SRPK2: variants seen among roughly 807,000 people sequenced by gnomAD.
The protein encoded by SRPK2 is SRSF protein kinase 2.
SRPK2 carries 21 observed loss-of-function variants against 90.8 expected under a neutral mutation model. The ratio of observed to expected loss-of-function variants is 0.23; its 90% confidence interval spans 0.16 to 0.33. SRPK2 has a LOEUF of 0.33. Among genes scored for constraint, SRPK2 ranks in the 10% least tolerant of loss-of-function variants. The probability of loss-of-function intolerance (pLI) is 1.00; values close to 1 mark genes in which losing one functional copy is unlikely to be tolerated. For missense variants in SRPK2, 620 were observed against 869.0 expected (o/e 0.71, Z 3.60); for synonymous variants, 288 against 311.1 (o/e 0.93, Z 0.78).
At chr7:105,244,886 G>A in intron 2 of SRPK2, 1 of 1,378,680 alleles carries the variant, frequency 7.3e-7, no homozygotes, top group Non-Finnish European at 1.0e-6. Flanking sequence ...AAAGGGTGTG[G>A]GCGCACATCC....
chr7:105,367,057 C>A (rs978362021), intron 2 of SRPK2, among the ~76,000 whole-genome samples: 1 of 144,910 alleles, frequency 6.9e-6, no homozygotes, highest in Non-Finnish European at 1.5e-5. Flanking sequence ...ATGAGATCAC[C>A]TTTTTTTTTG....
intron 2 of SRPK2, among the ~76,000 whole-genome samples, chr7:105,382,962 C>G (rs981298756): frequency 6.6e-6 from 1 of 150,662 alleles, no homozygotes; most frequent in African/African-American, 2.4e-5. Flanking sequence ...GTTAAGATAT[C>G]AACGTCAGGG....
At chr7:105,191,254 G>A (rs1794240225) in intron 3 of SRPK2, among the ~76,000 whole-genome samples, 1 of 152,054 alleles carries the variant, frequency 6.6e-6, no homozygotes, top group Admixed American at 6.6e-5. Context: ...AGACACATAG[G>A]GAGACCCCGT....
intron 2 of SRPK2, among the ~76,000 whole-genome samples, chr7:105,279,686 C>T (rs562484465): frequency 6.6e-6 from 1 of 152,262 alleles, no homozygotes; most frequent in Non-Finnish European, 1.5e-5. Context: ...TTTTATTAGC[C>T]TCACAATTAC....
Position 105,275,564 on chromosome 7 carries a change from C to A in SRPK2, c.72-71779G>T, listed in dbSNP as rs563494274. Among the ~76,000 whole-genome samples the A allele has an allele frequency of 3.2e-4, 49 of 152,296 alleles. 1 individual carries two copies. The highest frequency in any genetic ancestry group is 2.9e-5 in the Non-Finnish European group (2 of 68,030). ...CAGTTTTTAACTCTTCAGTTAATGG[C>A]CTAGGAGCTCTAATGCTTCACCTGT... On this transcript the variant is annotated intron_variant, in intron 2 of 15. Transcript: ENST00000393651.
At chr7:105,197,145 T>G (rs1025719059) in intron 3 of SRPK2, among the ~76,000 whole-genome samples, 11 of 151,930 alleles carry the variant, frequency 7.2e-5, no homozygotes, top group Non-Finnish European at 1.6e-4. Context: ...TGACAGCAAA[T>G]AGCCACCAAC....
At chr7:105,149,143 G>A (rs1482506532) in intron 7 of SRPK2, among the ~76,000 whole-genome samples, 2 of 152,184 alleles carry the variant, frequency 1.3e-5, no homozygotes, top group Non-Finnish European at 2.9e-5. Flanking sequence ...AGTTGAGATA[G>A]AGGAAGGCCA....
chr7:105,389,349 C>T (rs1259359101), upstream of SRPK2: 1 of 1,275,716 alleles, frequency 7.8e-7, no homozygotes, highest in African/African-American at 1.6e-5. Context: ...CCCTTTGCTC[C>T]TCTACATCCT....
chr7:105,327,082 A>G (rs1386101048), intron 2 of SRPK2, among the ~76,000 whole-genome samples: 1 of 151,716 alleles, frequency 6.6e-6, no homozygotes, highest in Non-Finnish European at 1.5e-5. Flanking sequence ...AAAAAAAAAA[A>G]AAAATTCAAG....
At chr7:105,250,492 G>A (rs1802338777) in intron 2 of SRPK2, among the ~76,000 whole-genome samples, 1 of 152,048 alleles carries the variant, frequency 6.6e-6, no homozygotes, top group African/African-American at 2.4e-5. Flanking sequence ...ATCAGTCACT[G>A]TAATTTCACA....
chr7:105,317,109 G>C (rs936616943), intron 2 of SRPK2, among the ~76,000 whole-genome samples: 1 of 152,152 alleles, frequency 6.6e-6, no homozygotes, highest in Non-Finnish European at 1.5e-5. Context: ...CAAACCTTCA[G>C]AAGTCTCCAA....
intron 7 of SRPK2, among the ~76,000 whole-genome samples, chr7:105,154,678 A>G (rs1806230348): frequency 6.6e-6 from 1 of 151,972 alleles, no homozygotes; most frequent in Non-Finnish European, 1.5e-5. Context: ...TCTAATGGCT[A>G]TACTTTTTTT....
intron 2 of SRPK2, among the ~76,000 whole-genome samples, chr7:105,239,652 T>G (rs988832143): frequency 3.9e-5 from 6 of 152,306 alleles, no homozygotes; most frequent in Non-Finnish European, 8.8e-5. Context: ...GAGCCATAAT[T>G]AACAAAATCT....
At chr7:105,202,967 C>A (rs1480889059) in intron 3 of SRPK2, among the ~76,000 whole-genome samples, 2 of 152,228 alleles carry the variant, frequency 1.3e-5, no homozygotes, top group East Asian at 1.9e-4. Context: ...TCTCTATGTT[C>A]TTTTATTATT....
chr7:105,148,950 C>A (rs1019039183), intron 7 of SRPK2, among the ~76,000 whole-genome samples: 7 of 152,146 alleles, frequency 4.6e-5, no homozygotes, highest in Middle Eastern at 3.2e-3. Context: ...ACCAGGGGCA[C>A]AATGCACTGT....
intron 3 of SRPK2, among the ~76,000 whole-genome samples, chr7:105,201,834 T>C (rs1444001560): frequency 6.6e-6 from 1 of 151,890 alleles, no homozygotes. Flanking sequence ...CAGTGAGCTG[T>C]GATCACGCCA....
rs1246246577 is a variant in SRPK2, at chr7:105,127,012, T to C, written c.1803A>G (p.Glu601=). 3.1e-6 allele frequency: 5 copies of C among 1,614,076 alleles called. No homozygotes were observed. The South Asian group carries it at 4.4e-5, about 14-fold the overall frequency. Residue 601 remains glutamate, a synonymous_variant, in exon 14 of 16, where the codon GAA becomes GAG. Coordinates refer to ENST00000393651, the MANE Select transcript of SRPK2 (RefSeq NM_182692.3). ...GDYLFEPHSG[E]DYSRDEDHIA... ...ACTCACCTTCGTCTCTGGAATAGTCTTCCCCAGAATGTGGTTCAAACAAAT... is the reference window on the plus strand; with the variant it reads ...ACTCACCTTCGTCTCTGGAATAGTCCTCCCCAGAATGTGGTTCAAACAAAT...
At chr7:105,276,819 A>C (rs995035351) in intron 2 of SRPK2, among the ~76,000 whole-genome samples, 2 of 152,188 alleles carry the variant, frequency 1.3e-5, no homozygotes, top group African/African-American at 4.8e-5. Flanking sequence ...GTTAAGAGGA[A>C]AATGCCTCAG....
intron 2 of SRPK2, among the ~76,000 whole-genome samples, chr7:105,230,570 T>C (rs1189229667): frequency 6.6e-6 from 1 of 152,210 alleles, no homozygotes; most frequent in Non-Finnish European, 1.5e-5. Flanking sequence ...CAGATTTCTT[T>C]TCCTATAAAG....
Sources: gnomAD v4.1 joint callset for allele counts (sites outside exome capture counted in the v4.1 genomes callset) on GRCh38, gnomAD v4.1.1 for gene constraint, MANE v1.5 for transcripts, NCBI Gene and HGNC (gene_info 2026-07-23, HGNC 2026-07-21) for gene names.